Variants in CSMD1 observed in about 807,000 individuals in gnomAD.
CSMD1 encodes CUB and Sushi multiple domains 1.
In CSMD1, 213 loss-of-function variants were observed where a neutral mutation model predicts 417.5. The ratio of observed to expected loss-of-function variants is 0.51; its 90% confidence interval spans 0.46 to 0.57. The LOEUF (loss-of-function observed/expected upper bound fraction) is 0.57, where lower values mean the gene tolerates loss of function less well. Ranked by LOEUF, CSMD1 falls within the 20% of genes least tolerant of loss-of-function variation. The pLI is 0.00. For synonymous variants in CSMD1, 2,862 were observed against 1,736.8 expected (o/e 1.65, Z -16.11); for missense variants, 6,923 against 4,529.7 (o/e 1.53, Z -15.17).
At chr8:4,739,940 A>G (rs1268266746) in intron 1 of CSMD1, among the ~76,000 whole-genome samples, 3 of 152,070 alleles carry the variant, frequency 2.0e-5, no homozygotes, top group Non-Finnish European at 2.9e-5. Context: ...GCAGCAACTT[A>G]AGCTCCATAG....
chr8:4,037,585 G>A (rs374476351), intron 3 of CSMD1, among the ~76,000 whole-genome samples: 4 of 144,758 alleles, frequency 2.8e-5, no homozygotes, highest in African/African-American at 5.2e-5. Flanking sequence ...AACTGACAGG[G>A]ATTGCAATGG....
chr8:4,966,858 A>C lies in CSMD1; in HGVS notation c.85+27474T>G, dbSNP rs559783716. On this transcript the variant is annotated intron_variant, in intron 1 of 69. Transcript: ENST00000635120. ...TTCAAATTACTGAAGTTAATTATGT[A>C]AGATCATCTTTCCCTTATTCACAAG... Among the ~76,000 whole-genome samples the C allele has an allele frequency of 7.2e-5, 11 of 152,324 alleles. No homozygotes were observed. The South Asian group carries it at 2.1e-3, about 29-fold the overall frequency.
At chr8:3,303,350 C>G (rs889229928) in intron 25 of CSMD1, among the ~76,000 whole-genome samples, 8 of 152,144 alleles carry the variant, frequency 5.3e-5, no homozygotes, top group African/African-American at 1.7e-4. Flanking sequence ...ACTCTAATCT[C>G]TCTAAAAGCT....
At chr8:4,598,889 C>G (rs1163288912) in intron 2 of CSMD1, among the ~76,000 whole-genome samples, 4 of 151,394 alleles carry the variant, frequency 2.6e-5, no homozygotes, top group African/African-American at 7.3e-5. Context: ...AAAAGAATGA[C>G]TTTTTTCCTA....
chr8:3,442,584 C>T (rs1448771278), intron 12 of CSMD1, among the ~76,000 whole-genome samples: 1 of 152,152 alleles, frequency 6.6e-6, no homozygotes, highest in East Asian at 1.9e-4. Flanking sequence ...TAGGCTGTAC[C>T]ATATATCCCA....
intron 11 of CSMD1, among the ~76,000 whole-genome samples, chr8:3,482,614 A>G (rs1202898644): frequency 6.6e-6 from 1 of 152,230 alleles, no homozygotes; most frequent in African/African-American, 2.4e-5. Flanking sequence ...AAATATCACA[A>G]AGGATATTCA....
At chr8:4,431,219 TCAA>T (rs1447793157) in intron 2 of CSMD1, among the ~76,000 whole-genome samples, 1 of 152,120 alleles carries the variant, frequency 6.6e-6, no homozygotes, top group Non-Finnish European at 1.5e-5. Context: ...TTTCATTATC[TCAA>T]CAACATTAAA....
chr8:3,314,129 G>C (rs564223505), intron 23 of CSMD1, among the ~76,000 whole-genome samples: 4 of 152,044 alleles, frequency 2.6e-5, no homozygotes, highest in African/African-American at 9.7e-5. Context: ...GTGGGGTGGG[G>C]GGAGTGGGGA....
At chr8:4,146,489 T>A (rs752552673) in intron 3 of CSMD1, among the ~76,000 whole-genome samples, 4 of 150,276 alleles carry the variant, frequency 2.7e-5, no homozygotes, top group Non-Finnish European at 4.4e-5. Flanking sequence ...GTTTACCCAG[T>A]TCCTCAGACG....
intron 26 of CSMD1, among the ~76,000 whole-genome samples, chr8:3,271,641 T>A (rs1801863356): frequency 6.6e-6 from 1 of 152,214 alleles, no homozygotes; most frequent in Non-Finnish European, 1.5e-5. Context: ...TGAGATGGTA[T>A]CTCATTGTGG....
At chr8:3,227,706 CT>C (rs923920759) in intron 27 of CSMD1, among the ~76,000 whole-genome samples, 1 of 151,442 alleles carries the variant, frequency 6.6e-6, no homozygotes, top group African/African-American at 2.4e-5. Flanking sequence ...ACACCATGTA[CT>C]GGTAAGTAAA....
chr8:3,128,655 TTAAG>T (rs1817636272), intron 41 of CSMD1: 4 of 319,686 alleles, frequency 1.3e-5, no homozygotes, highest in Admixed American at 4.3e-5. Context: ...AACTATCTAA[TTAAG>T]TGTCACCTCT....
intron 3 of CSMD1, among the ~76,000 whole-genome samples, chr8:4,366,399 A>C (rs1408093933): frequency 6.6e-6 from 1 of 152,168 alleles, no homozygotes; most frequent in Non-Finnish European, 1.5e-5. Flanking sequence ...ATATGCATGC[A>C]CGTGTCTTTT....
chr8:4,827,572 G>C (rs1214838142), intron 1 of CSMD1, among the ~76,000 whole-genome samples: 3 of 152,112 alleles, frequency 2.0e-5, no homozygotes, highest in Non-Finnish European at 4.4e-5. Context: ...GTTTATCAAT[G>C]AAAATACAGC....
At chr8:3,865,446 A>G (rs1003648062) in intron 5 of CSMD1, among the ~76,000 whole-genome samples, 1 of 152,106 alleles carries the variant, frequency 6.6e-6, no homozygotes, top group East Asian at 1.9e-4. Context: ...GCTCAGAGGC[A>G]GAGTCACAGG....
chr8:3,780,231 C>A (rs1276455130), intron 5 of CSMD1, among the ~76,000 whole-genome samples: 1 of 152,162 alleles, frequency 6.6e-6, no homozygotes, highest in Admixed American at 6.5e-5. Context: ...TGGCATTAAT[C>A]AAATCAGCAT....
At chr8:3,809,156 C>A (rs865922195) in intron 5 of CSMD1, among the ~76,000 whole-genome samples, 5 of 152,104 alleles carry the variant, frequency 3.3e-5, no homozygotes, top group African/African-American at 1.2e-4. Context: ...CCCTTCCAGC[C>A]CCCACAGACC....
chr8:4,781,183 C>A (rs1797134412), intron 1 of CSMD1, among the ~76,000 whole-genome samples: 1 of 152,170 alleles, frequency 6.6e-6, no homozygotes, highest in African/African-American at 2.4e-5. Context: ...CTAGCAAATA[C>A]ATCTCCGCAA....
chr8:4,324,543 G>T (rs1213654595), intron 3 of CSMD1, among the ~76,000 whole-genome samples: 1 of 152,186 alleles, frequency 6.6e-6, no homozygotes, highest in Admixed American at 6.6e-5. Context: ...GGTGCATTCT[G>T]GTGGCCAATG....
Sources: allele counts gnomAD v4.1 joint callset (sites outside exome capture counted in the v4.1 genomes callset), GRCh38; gene constraint gnomAD v4.1.1; transcripts MANE v1.5; gene names NCBI Gene and HGNC (gene_info 2026-07-23, HGNC 2026-07-21).